ZBTB7C: variants seen among roughly 807,000 people sequenced by gnomAD.
The protein encoded by ZBTB7C is zinc finger and BTB domain containing 7C.
A neutral mutation model predicts 25.7 loss-of-function variants in ZBTB7C; 8 were observed. The ratio of observed to expected loss-of-function variants is 0.31; its 90% CI spans 0.18 to 0.56. The LOEUF is 0.56. ZBTB7C is among the 20% of genes least tolerant of loss of function. The pLI is 0.91. For synonymous variants in ZBTB7C, 394 were observed against 369.0 expected (o/e 1.07, Z -0.78); for missense variants, 824 against 855.2 (o/e 0.96, Z 0.46).
chr18:48,306,240 C>T (rs551682218), intron 2 of ZBTB7C, among the ~76,000 whole-genome samples: 3 of 152,216 alleles, frequency 2.0e-5, no homozygotes, highest in South Asian at 4.2e-4. Flanking sequence ...AAGATTTCCT[C>T]GTGACTCCCA....
At chr18:48,350,937 G>C (rs1429189871) in intron 1 of ZBTB7C, among the ~76,000 whole-genome samples, 1 of 151,686 alleles carries the variant, frequency 6.6e-6, no homozygotes, top group Non-Finnish European at 1.5e-5. Context: ...CTAGTCTCCT[G>C]CTGATGGACT....
chr18:48,055,832 C>T (rs372571854), intron 3 of ZBTB7C, among the ~76,000 whole-genome samples: 72 of 152,230 alleles, frequency 4.7e-4, no homozygotes, highest in African/African-American at 1.7e-3. Context: ...GGTTTCCAGA[C>T]CATCATAAAT....
At chr18:48,148,159 ATT>A (rs74172095) in intron 3 of ZBTB7C, 8,183 of 122,590 alleles carry the variant, frequency 0.067, 750 homozygotes, top group African/African-American at 0.23. Context: ...ACCACGGCTA[ATT>A]TTTTTTTTTT....
chr18:48,396,527 T>C (rs904621217), intron 1 of ZBTB7C, among the ~76,000 whole-genome samples: 2 of 152,190 alleles, frequency 1.3e-5, no homozygotes, highest in African/African-American at 4.8e-5. Flanking sequence ...GCTTTTTTTG[T>C]TTAAGTGGTT....
intron 1 of ZBTB7C, among the ~76,000 whole-genome samples, chr18:48,343,344 T>C (rs1421399253): frequency 6.6e-6 from 1 of 152,158 alleles, no homozygotes; most frequent in African/African-American, 2.4e-5. Context: ...GTCCCCACCA[T>C]GAACAGTGAG....
intron 3 of ZBTB7C, among the ~76,000 whole-genome samples, chr18:48,067,830 C>T (rs925931235): frequency 8.6e-5 from 13 of 151,966 alleles, no homozygotes; most frequent in African/African-American, 1.7e-4. Context: ...GGAGAAACCC[C>T]GTCTCTACTA....
intron 1 of ZBTB7C, among the ~76,000 whole-genome samples, chr18:48,356,876 C>T (rs895431401): frequency 1.3e-5 from 2 of 152,226 alleles, no homozygotes; most frequent in Non-Finnish European, 2.9e-5. Context: ...TCAGCCCCCA[C>T]AGCACCCACC....
intron 4 of ZBTB7C, among the ~76,000 whole-genome samples, chr18:48,030,854 T>TC (rs1316081721): frequency 4.2e-5 from 6 of 143,604 alleles, no homozygotes; most frequent in African/African-American, 1.6e-4. Flanking sequence ...AAAACTGATA[T>TC]CAGGGGGTTG....
intron 3 of ZBTB7C, among the ~76,000 whole-genome samples, chr18:48,088,988 G>A (rs2038303184): frequency 6.6e-6 from 1 of 152,178 alleles, no homozygotes; most frequent in African/African-American, 2.4e-5. Flanking sequence ...ATGCAAGAGT[G>A]CTGAATTGAA....
At chr18:48,405,547 C>T (rs1026299459) in intron 1 of ZBTB7C, among the ~76,000 whole-genome samples, 7 of 152,216 alleles carry the variant, frequency 4.6e-5, no homozygotes, top group African/African-American at 1.7e-4. Flanking sequence ...AAAGTACACA[C>T]GGTGGCTCTA....
intron 2 of ZBTB7C, among the ~76,000 whole-genome samples, chr18:48,278,452 T>G (rs979558670): frequency 6.6e-6 from 1 of 152,086 alleles, no homozygotes; most frequent in African/African-American, 2.4e-5. Flanking sequence ...TCTTTTTTTT[T>G]TTTGAGACAG....
chr18:48,068,192 G>A (rs1247070479), intron 3 of ZBTB7C, among the ~76,000 whole-genome samples: 1 of 141,854 alleles, frequency 7.0e-6, no homozygotes, highest in African/African-American at 2.6e-5. Flanking sequence ...AGGCTGAAGT[G>A]CAGTGGTGCA....
At chr18:48,041,322 C>G in intron 3 of ZBTB7C, 199 bp from the exon 4 acceptor site, 1 of 985,440 alleles carries the variant, frequency 1.0e-6, no homozygotes, top group Non-Finnish European at 1.2e-6. Context: ...CTCTGGACCC[C>G]TAAGACTCTT....
At chr18:48,175,562 T>C (rs1481346681) in intron 3 of ZBTB7C, among the ~76,000 whole-genome samples, 1 of 152,160 alleles carries the variant, frequency 6.6e-6, no homozygotes, top group Non-Finnish European at 1.5e-5. Context: ...ATGCATGTAT[T>C]TCCTAGTGTT....
At chr18:48,261,288 C>T (rs1289228741) in intron 2 of ZBTB7C, among the ~76,000 whole-genome samples, 1 of 152,150 alleles carries the variant, frequency 6.6e-6, no homozygotes, top group Non-Finnish European at 1.5e-5. Flanking sequence ...ATCTCGAGTG[C>T]TGGGCAGGGC....
At chr18:48,099,243 C>T (rs2038747718) in intron 3 of ZBTB7C, among the ~76,000 whole-genome samples, 1 of 152,202 alleles carries the variant, frequency 6.6e-6, no homozygotes, top group Non-Finnish European at 1.5e-5. Context: ...GTAAATAACA[C>T]CACTCTGATA....
intron 3 of ZBTB7C, among the ~76,000 whole-genome samples, chr18:48,133,474 C>T (rs2040049666): frequency 6.6e-6 from 1 of 152,206 alleles, no homozygotes; most frequent in African/African-American, 2.4e-5. Flanking sequence ...TAAACTCTCC[C>T]TTCAAAGGAA....
At chr18:48,363,156 C>T (rs530324163) in intron 1 of ZBTB7C, among the ~76,000 whole-genome samples, 1 of 152,324 alleles carries the variant, frequency 6.6e-6, no homozygotes, top group Non-Finnish European at 1.5e-5. Flanking sequence ...TACTGAGGCT[C>T]ACTAAGGCTA....
intron 1 of ZBTB7C, among the ~76,000 whole-genome samples, chr18:48,396,981 A>C (rs2048042564): frequency 6.6e-6 from 1 of 152,224 alleles, no homozygotes; most frequent in Admixed American, 6.5e-5. Flanking sequence ...ACATTTTTAC[A>C]ACAGTGCTTT....
Sources: gnomAD v4.1 joint callset for allele counts (sites outside exome capture counted in the v4.1 genomes callset) on GRCh38, gnomAD v4.1.1 for gene constraint, MANE v1.5 for transcripts, NCBI Gene and HGNC (gene_info 2026-07-23, HGNC 2026-07-21) for gene names.